NSMCE2: variants seen among roughly 807,000 people sequenced by gnomAD.
The protein encoded by NSMCE2 is E3 SUMO-protein ligase NSE2.
NSMCE2 carries 24 observed loss-of-function variants against 23.8 expected under a neutral mutation model. The observed-to-expected ratio is 1.01, with a 90% CI of 0.73 to 1.42. NSMCE2 has a LOEUF of 1.42. NSMCE2 is among the 40% of genes most tolerant of loss of function. The pLI is 0.00. For missense variants in NSMCE2, 284 were observed against 296.5 expected (o/e 0.96, Z 0.31); for synonymous variants, 92 against 94.1 (o/e 0.98, Z 0.13).
In NSMCE2 at chr8:125,228,647, T is replaced by C. The variant is rs1260166234; in HGVS notation, c.418+46391T>C. Among the ~76,000 whole-genome samples the C allele has an allele frequency of 3.3e-5, 5 of 152,174 alleles. No individual in the cohort carries two copies. In the East Asian group the frequency reaches 9.6e-4, roughly 29 times the overall value. ...AGCCAAAGAGGGCTGAGAGCATATG[T>C]CATATTTGAGAAAAGTGAATGTCCC... On this transcript the variant is annotated intron_variant, in intron 5 of 7. Coordinates refer to ENST00000287437, the MANE Select transcript of NSMCE2 (RefSeq NM_173685.4).
chr8:125,177,239 G>A (rs954510096), intron 4 of NSMCE2, among the ~76,000 whole-genome samples: 1 of 152,176 alleles, frequency 6.6e-6, no homozygotes, highest in East Asian at 1.9e-4. Context: ...ACTGAAGTGG[G>A]TGTTCCTGAT....
intron 5 of NSMCE2, among the ~76,000 whole-genome samples, chr8:125,281,924 A>G (rs1380496386): frequency 6.6e-6 from 1 of 151,798 alleles, no homozygotes; most frequent in Non-Finnish European, 1.5e-5. Context: ...ATACTTCCTA[A>G]TCTCCCTCCA....
At chr8:125,164,974 T>C (rs923530621) in intron 4 of NSMCE2, among the ~76,000 whole-genome samples, 6 of 152,130 alleles carry the variant, frequency 3.9e-5, no homozygotes, top group Admixed American at 3.9e-4. Flanking sequence ...GAGGGATAAG[T>C]CTCCATGATA....
intron 5 of NSMCE2, among the ~76,000 whole-genome samples, chr8:125,293,017 G>T (rs1828173308): frequency 6.6e-6 from 1 of 152,182 alleles, no homozygotes. Flanking sequence ...ATCTGTCCCA[G>T]GGGGCCTGGT....
At chr8:125,243,410 ATCCAAAAGGATCTGT>A (rs2130987300) in intron 5 of NSMCE2, among the ~76,000 whole-genome samples, 1 of 152,306 alleles carries the variant, frequency 6.6e-6, no homozygotes, top group South Asian at 2.1e-4. Context: ...CAAAAGGAAG[ATCCAAAAGGATCTGT>A]TCCAAAAGGA....
intron 5 of NSMCE2, among the ~76,000 whole-genome samples, chr8:125,198,592 G>C (rs1823729980): frequency 1.3e-5 from 2 of 152,200 alleles, no homozygotes; most frequent in South Asian, 4.1e-4. Flanking sequence ...CGATTTGCCA[G>C]TATTTTACTG....
intron 5 of NSMCE2, among the ~76,000 whole-genome samples, chr8:125,321,404 G>A (rs1586765501): frequency 6.6e-6 from 1 of 152,134 alleles, no homozygotes; most frequent in Non-Finnish European, 1.5e-5. Flanking sequence ...CTGTTTTAAG[G>A]CTCTTACACT....
chr8:125,219,200 G>A (rs1224107724), intron 5 of NSMCE2, among the ~76,000 whole-genome samples: 1 of 152,178 alleles, frequency 6.6e-6, no homozygotes, highest in African/African-American at 2.4e-5. Flanking sequence ...AGAGATGGAA[G>A]AAAAGCCTGA....
At chr8:125,126,409 T>C (rs1026621977) in intron 3 of NSMCE2, among the ~76,000 whole-genome samples, 3 of 151,436 alleles carry the variant, frequency 2.0e-5, no homozygotes, top group African/African-American at 7.3e-5. Flanking sequence ...TTGTCTTTGC[T>C]CACAAGATGT....
intron 5 of NSMCE2, among the ~76,000 whole-genome samples, chr8:125,286,376 A>T (rs1827900979): frequency 6.7e-6 from 1 of 149,746 alleles, no homozygotes; most frequent in Admixed American, 6.6e-5. Flanking sequence ...GCAATGGTGC[A>T]GTCTCGGCTC....
At chr8:125,148,839 A>G (rs1820824414) in intron 3 of NSMCE2, among the ~76,000 whole-genome samples, 1 of 152,234 alleles carries the variant, frequency 6.6e-6, no homozygotes, top group Non-Finnish European at 1.5e-5. Context: ...AAAACCCCTA[A>G]TCAATTTACT....
intron 5 of NSMCE2, among the ~76,000 whole-genome samples, chr8:125,304,796 GAGAATCGC>G (rs1252799202): frequency 3.3e-5 from 5 of 151,008 alleles, no homozygotes; most frequent in African/African-American, 1.2e-4. Flanking sequence ...ATCAAGCGAT[GAGAATCGC>G]TTGAACCCTG....
intron 5 of NSMCE2, among the ~76,000 whole-genome samples, chr8:125,293,345 G>A (rs1475335728): frequency 2.0e-5 from 3 of 152,254 alleles, no homozygotes; most frequent in Non-Finnish European, 2.9e-5. Context: ...CAGGACTGAC[G>A]AAAATTTGAA....
At chr8:125,158,577 C>T (rs540794420) in intron 4 of NSMCE2, among the ~76,000 whole-genome samples, 12 of 152,310 alleles carry the variant, frequency 7.9e-5, no homozygotes, top group Admixed American at 7.8e-4. Context: ...GGCACCAGGC[C>T]ATCCTAGCAG....
At chr8:125,211,520 G>A (rs1824345031) in intron 5 of NSMCE2, among the ~76,000 whole-genome samples, 1 of 152,116 alleles carries the variant, frequency 6.6e-6, no homozygotes, top group Admixed American at 6.5e-5. Flanking sequence ...TTATTCTGTG[G>A]CTGTTACCAA....
At chr8:125,218,704 G>A (rs191549781) in intron 5 of NSMCE2, among the ~76,000 whole-genome samples, 20 of 152,186 alleles carry the variant, frequency 1.3e-4, no homozygotes, top group South Asian at 2.1e-4. Context: ...GAGCCACTGC[G>A]CCCGGCCAAA....
intron 5 of NSMCE2, among the ~76,000 whole-genome samples, chr8:125,343,405 G>A (rs1830318613): frequency 6.6e-6 from 1 of 152,162 alleles, no homozygotes; most frequent in Non-Finnish European, 1.5e-5. Flanking sequence ...CTCACATTCT[G>A]TACAAGTATT....
intron 5 of NSMCE2, among the ~76,000 whole-genome samples, chr8:125,320,078 C>T (rs557687917): frequency 1.3e-3 from 199 of 150,876 alleles, no homozygotes; most frequent in African/African-American, 4.5e-3. Context: ...CAGGAGGCTG[C>T]GGCAGGAAAA....
intron 5 of NSMCE2, among the ~76,000 whole-genome samples, chr8:125,252,328 A>G (rs1826229091): frequency 6.6e-6 from 1 of 152,344 alleles, no homozygotes; most frequent in South Asian, 2.1e-4. Flanking sequence ...GGAGATTGAG[A>G]CCAACCTGGC....
Sources: allele counts gnomAD v4.1 joint callset (sites outside exome capture counted in the v4.1 genomes callset), GRCh38; gene constraint gnomAD v4.1.1; transcripts MANE v1.5; gene names NCBI Gene and HGNC (gene_info 2026-07-23, HGNC 2026-07-21).